Variants in PTPRD observed in about 807,000 individuals in gnomAD.
The protein encoded by PTPRD is receptor-type tyrosine-protein phosphatase delta.
Under a neutral mutation model 214.5 loss-of-function variants are expected in PTPRD, and 34 were observed. That is an observed-to-expected ratio of 0.16 (90% CI 0.12 to 0.21). The LOEUF (loss-of-function observed/expected upper bound fraction) is 0.21, where lower values mean the gene tolerates loss of function less well. Ranked by LOEUF, PTPRD falls within the 10% of genes least tolerant of loss-of-function variation. The pLI is 1.00. For synonymous variants in PTPRD, 1,128 were observed against 845.7 expected (o/e 1.33, Z -5.79); for missense variants, 2,545 against 2,398.7 (o/e 1.06, Z -1.27).
At chr9:9,841,357 G>C (rs1044421649) in intron 5 of PTPRD, among the ~76,000 whole-genome samples, 2 of 152,012 alleles carry the variant, frequency 1.3e-5, no homozygotes, top group Admixed American at 1.3e-4. Context: ...TATATAACTT[G>C]TGCAAGTTAC....
At chr9:10,359,816 C>T (rs1466254279) in intron 2 of PTPRD, among the ~76,000 whole-genome samples, 1 of 152,024 alleles carries the variant, frequency 6.6e-6, no homozygotes, top group Non-Finnish European at 1.5e-5. Flanking sequence ...GCATTCTATT[C>T]ACTGAATGGA....
rs551727098 is a variant in PTPRD at position 9,472,723 on chromosome 9, T to C, written c.-236-75241A>G. On this transcript the variant is annotated intron_variant, in intron 8 of 45. Transcript: ENST00000381196. Reference sequence around the variant, plus strand: ...CACACTCCTGAAAAACAACTCAATTTTAATCTATTAGAGTTTTGCTTTTTA... The same window carrying C: ...CACACTCCTGAAAAACAACTCAATTCTAATCTATTAGAGTTTTGCTTTTTA... Among the ~76,000 whole-genome samples, 47 of 152,302 alleles carry C rather than the reference T, an allele frequency of 3.1e-4. No homozygotes were observed. In the South Asian group the frequency reaches 9.5e-3, roughly 31 times the overall value.
At chr9:10,223,028 A>C (rs2099576556) in intron 3 of PTPRD, among the ~76,000 whole-genome samples, 1 of 152,030 alleles carries the variant, frequency 6.6e-6, no homozygotes, top group African/African-American at 2.4e-5. Context: ...AAAATTAGCA[A>C]CAATTTTAGA....
intron 2 of PTPRD, among the ~76,000 whole-genome samples, chr9:10,444,291 T>C (rs762027508): frequency 6.6e-6 from 1 of 151,826 alleles, no homozygotes; most frequent in African/African-American, 2.4e-5. Context: ...ATAGACAATA[T>C]CTAAATTTTA....
chr9:10,220,495 G>A (rs962038523), intron 3 of PTPRD, among the ~76,000 whole-genome samples: 1 of 151,884 alleles, frequency 6.6e-6, no homozygotes, highest in Non-Finnish European at 1.5e-5. Context: ...CTATACTCAT[G>A]AAAGTTAAAT....
At chr9:8,989,258 A>G (rs2099357097) in intron 11 of PTPRD, among the ~76,000 whole-genome samples, 1 of 152,020 alleles carries the variant, frequency 6.6e-6, no homozygotes, top group Admixed American at 6.6e-5. Context: ...AATATACAAC[A>G]CACTACTTTA....
At chr9:9,551,704 G>C (rs1270059466) in intron 8 of PTPRD, among the ~76,000 whole-genome samples, 2 of 151,906 alleles carry the variant, frequency 1.3e-5, no homozygotes, top group Admixed American at 6.6e-5. Context: ...GTACATGCCA[G>C]TCCTACTGCA....
At chr9:8,548,205 T>G (rs528379249) in intron 14 of PTPRD, among the ~76,000 whole-genome samples, 1 of 152,114 alleles carries the variant, frequency 6.6e-6, no homozygotes, top group South Asian at 2.1e-4. Context: ...GGATTCAAGG[T>G]GAAATGCGGT....
chr9:9,335,735 A>C (rs2044181759), intron 9 of PTPRD, among the ~76,000 whole-genome samples: 2 of 152,088 alleles, frequency 1.3e-5, no homozygotes, highest in South Asian at 4.1e-4. Context: ...GAAATGAATT[A>C]TACCTTGGAG....
intron 2 of PTPRD, among the ~76,000 whole-genome samples, chr9:10,597,575 A>G (rs967254479): frequency 4.0e-5 from 6 of 151,808 alleles, no homozygotes; most frequent in Non-Finnish European, 7.4e-5. Flanking sequence ...TTAAGGAGTT[A>G]AAACAGCTCA....
rs545036081 is a variant in PTPRD, at chr9:8,386,115, C to A, written c.4386+3117G>T. Among the ~76,000 whole-genome samples the A allele has an allele frequency of 2.0e-5, 3 of 152,170 alleles. No individual in the cohort carries two copies. The East Asian group carries it at 5.8e-4, about 29-fold the overall frequency. Reference sequence around the variant, plus strand: ...GCCACATCCTTTATCTCAGTCAATACCCACAATAACCCTTCCGCATAATCC... The same window carrying A: ...GCCACATCCTTTATCTCAGTCAATAACCACAATAACCCTTCCGCATAATCC... On this transcript the variant is annotated intron_variant, in intron 37 of 45. Coordinates refer to ENST00000381196, the MANE Select transcript of PTPRD (RefSeq NM_002839.4).
At chr9:8,475,504 T>C (rs943450449) in intron 30 of PTPRD, among the ~76,000 whole-genome samples, 1 of 152,180 alleles carries the variant, frequency 6.6e-6, no homozygotes, top group African/African-American at 2.4e-5. Flanking sequence ...CATCAGTTCT[T>C]AGCTATATGC....
intron 11 of PTPRD, among the ~76,000 whole-genome samples, chr9:8,870,398 G>C (rs2098275207): frequency 6.6e-6 from 1 of 151,900 alleles, no homozygotes; most frequent in Admixed American, 6.6e-5. Flanking sequence ...TTTATGTCTG[G>C]AATGAAATAC....
chr9:9,941,286 C>A (rs985679001), intron 4 of PTPRD, among the ~76,000 whole-genome samples: 1 of 152,090 alleles, frequency 6.6e-6, no homozygotes, highest in Non-Finnish European at 1.5e-5. Context: ...GGTTCACAGC[C>A]AGGTTCTTAA....
At chr9:10,160,202 G>C (rs908557794) in intron 3 of PTPRD, among the ~76,000 whole-genome samples, 4 of 151,956 alleles carry the variant, frequency 2.6e-5, no homozygotes, top group Non-Finnish European at 5.9e-5. Context: ...ACTTATATCA[G>C]AATAAAATAG....
intron 5 of PTPRD, among the ~76,000 whole-genome samples, chr9:9,848,310 G>T (rs2059922345): frequency 6.6e-6 from 1 of 152,048 alleles, no homozygotes; most frequent in Non-Finnish European, 1.5e-5. Context: ...TAGCTTGGGG[G>T]TTGTAAATAA....
intron 2 of PTPRD, among the ~76,000 whole-genome samples, chr9:10,360,966 G>T (rs1598071033): frequency 6.6e-6 from 1 of 151,770 alleles, no homozygotes; most frequent in African/African-American, 2.4e-5. Flanking sequence ...GCCGGGCGTG[G>T]TGCCGGGCGC....
At chr9:9,413,873 G>T (rs1241095752) in intron 8 of PTPRD, among the ~76,000 whole-genome samples, 1 of 152,210 alleles carries the variant, frequency 6.6e-6, no homozygotes. Flanking sequence ...ATATTTCACA[G>T]TGAGTTTGCC....
intron 5 of PTPRD, among the ~76,000 whole-genome samples, chr9:9,889,954 G>C (rs1256754432): frequency 6.6e-6 from 1 of 151,960 alleles, no homozygotes; most frequent in Non-Finnish European, 1.5e-5. Context: ...TGAATTATCA[G>C]CAATCTGGCT....
Sources: allele counts gnomAD v4.1 joint callset (sites outside exome capture counted in the v4.1 genomes callset), GRCh38; gene constraint gnomAD v4.1.1; transcripts MANE v1.5; gene names NCBI Gene and HGNC (gene_info 2026-07-23, HGNC 2026-07-21).